Variants in CPM observed in about 807,000 individuals in gnomAD.
CPM encodes carboxypeptidase M.
In CPM, 35 loss-of-function variants were observed where a neutral mutation model predicts 46.4. That is an observed-to-expected ratio of 0.75 (90% CI 0.58 to 1.00). The LOEUF is 1.00. CPM is among the 50% of genes least tolerant of loss of function. The probability of loss-of-function intolerance (pLI) is 0.00; values close to 1 mark genes in which losing one functional copy is unlikely to be tolerated. For missense variants in CPM, 422 were observed against 530.4 expected, an observed-to-expected ratio of 0.80 and a Z score of 2.01; for synonymous variants, 195 against 195.3, an observed-to-expected ratio of 1.00 and a Z score of 0.01.
chr12:68,885,903 G>A lies in CPM; in HGVS notation c.161-14C>T, dbSNP rs1382190765. 1.9e-6 allele frequency: 3 copies of A among 1,605,268 alleles called. No homozygotes were observed. Among genetic ancestry groups the A allele is most frequent in the East Asian group, 4.5e-5 (2 of 44,834 alleles). ...ACAGGTTTCTACCTTTACAGGAAAA[G>A]AAGAAAAGATGGAAAAGTAAGTTGT... On this transcript the variant is annotated splice_polypyrimidine_tract_variant and intron_variant, in intron 2 of 8. Transcript: ENST00000551568.
Position 68,869,476 on chromosome 12 carries a change from G to C in CPM, c.636C>G (p.Ser212=). The change falls in exon 6 of 9, where the codon TCC becomes TCG. Residue 212 remains serine (S), a synonymous_variant. Transcript: ENST00000551568. The stretch of plus-strand genomic sequence containing the variant: ...CATCATCATCAGGCGTTAAGCTTCG[G>C]GAGTATAATGCCCCAGTTGCTGCAT... The part of the protein sequence containing the change: ...NGVQATGALY[S]RSLTPDDDVF... 3 of 1,609,660 alleles carry C rather than the reference G, an allele frequency of 1.9e-6. No homozygotes were observed. Among genetic ancestry groups the C allele is most frequent in the Non-Finnish European group, 2.5e-6 (3 of 1,177,420 alleles).
intron 2 of CPM, among the ~76,000 whole-genome samples, chr12:68,902,956 A>G (rs892611234): frequency 1.3e-5 from 2 of 152,228 alleles, no homozygotes; most frequent in Non-Finnish European, 2.9e-5. Context: ...AGTGACAAAA[A>G]GTCACTATTA....
In CPM at chr12:68,941,203, GTA is replaced by G. The variant is rs1555201997; in HGVS notation, c.-3-8365_-3-8364del. ...TGTGTGTGTGTGTGTGTGTGTGTGT[GTA>G]TATAAAGCTAACACATCAGCTGAGA... is the stretch of plus-strand genomic sequence containing the variant. On this transcript the variant is annotated intron_variant, in intron 1 of 8. Transcript: ENST00000546373. Among the ~76,000 whole-genome samples, 247 of 149,458 alleles carry G rather than the reference GTA, an allele frequency of 1.7e-3. 1 individual carries two copies. The highest frequency in any genetic ancestry group is 4.0e-3 in the African/African-American group (157 of 39,668).
chr12:68,882,994 A>G (rs570670062), intron 3 of CPM, among the ~76,000 whole-genome samples: 1 of 152,356 alleles, frequency 6.6e-6, no homozygotes, highest in African/African-American at 2.4e-5. Flanking sequence ...ATCTAGCCAT[A>G]GTATTAAGTG....
chr12:68,905,078 T>C (rs1042277008), intron 2 of CPM, among the ~76,000 whole-genome samples: 1 of 152,018 alleles, frequency 6.6e-6, no homozygotes, highest in South Asian at 2.1e-4. Context: ...CTGGCTAATG[T>C]TTGCATTTTT....
chr12:68,934,536 G>A (rs1888634195), upstream of CPM, among the ~76,000 whole-genome samples: 1 of 152,066 alleles, frequency 6.6e-6, no homozygotes, highest in Non-Finnish European at 1.5e-5. Context: ...TGAGAATGAT[G>A]GTTTCCAGCT....
intron 2 of CPM, among the ~76,000 whole-genome samples, chr12:68,923,211 GTGTT>G (rs1386047469): frequency 3.7e-5 from 5 of 133,846 alleles, no homozygotes; most frequent in African/African-American, 1.1e-4. Context: ...GTGTGTGTGT[GTGTT>G]TTGAGTAATT....
chr12:68,886,323 A>C (rs1886425096), intron 2 of CPM, among the ~76,000 whole-genome samples: 1 of 85,762 alleles, frequency 1.2e-5, no homozygotes, highest in South Asian at 4.3e-4. Context: ...GGAAAGAAAA[A>C]AAAACAACAG....
In CPM at chr12:68,853,569, G is replaced by A. The variant is rs552863999; in HGVS notation, c.*2868C>T. 8 of 152,140 alleles carry A rather than the reference G, an allele frequency of 5.3e-5. No individual in the cohort carries two copies. Among genetic ancestry groups the A allele is most frequent in the African/African-American group, 1.2e-4 (5 of 41,510 alleles). 9.4% of individuals were successfully genotyped at this position (152,140 alleles called of 1,614,324 possible). A position where few individuals can be genotyped will look rare whatever the true frequency, so the allele number is the denominator to read the frequency against. On this transcript the variant is annotated 3_prime_UTR_variant, in exon 9 of 9. Coordinates refer to ENST00000551568, the MANE Select transcript of CPM (RefSeq NM_198320.5). ...TCCTGTAGCTCTTCATTCCTTTGTC[G>A]TTCTCACTCTCCATGCCAGTATGTC...
chr12:68,857,100 C>T (rs1262245036), intron 8 of CPM, among the ~76,000 whole-genome samples: 1 of 151,830 alleles, frequency 6.6e-6, no homozygotes, highest in South Asian at 2.1e-4. Context: ...TTACTAATTT[C>T]TTTTCAGCTG....
chr12:68,913,774 C>T (rs1592689654), intron 2 of CPM: 4 of 537,358 alleles, frequency 7.4e-6, no homozygotes, highest in Admixed American at 4.2e-5. Flanking sequence ...TATAAAATCC[C>T]ATGCGGAAAC....
intron 1 of CPM, among the ~76,000 whole-genome samples, chr12:68,940,824 T>C (rs1888748256): frequency 6.6e-6 from 1 of 152,146 alleles, no homozygotes; most frequent in African/African-American, 2.4e-5. Context: ...CCTTCCTATA[T>C]TTTTTAAATT....
At chr12:68,910,697 T>C (rs1283293010) in intron 2 of CPM, among the ~76,000 whole-genome samples, 2 of 152,200 alleles carry the variant, frequency 1.3e-5, no homozygotes, top group African/African-American at 4.8e-5. Context: ...ATTTAACCAT[T>C]CTAAGTGTAC....
chr12:68,886,978 A>T (rs1326164887), intron 2 of CPM, among the ~76,000 whole-genome samples: 11 of 152,162 alleles, frequency 7.2e-5, no homozygotes, highest in Non-Finnish European at 1.6e-4. Context: ...ACAAATGAAA[A>T]AACTGATCTT....
At chr12:68,896,029 T>C (rs1396639336) in intron 2 of CPM, among the ~76,000 whole-genome samples, 3 of 152,202 alleles carry the variant, frequency 2.0e-5, no homozygotes, top group African/African-American at 4.8e-5. Context: ...CCAGACCTCT[T>C]GGGATCTGTC....
At chr12:68,949,592 G>C (rs1430179412) in intron 1 of CPM, among the ~76,000 whole-genome samples, 1 of 152,182 alleles carries the variant, frequency 6.6e-6, no homozygotes, top group African/African-American at 2.4e-5. Context: ...GAGTTTGAGA[G>C]GGTTAAATGA....
chr12:68,934,924 T>C (rs559590955), upstream of CPM, among the ~76,000 whole-genome samples: 11 of 152,190 alleles, frequency 7.2e-5, no homozygotes, highest in Non-Finnish European at 1.3e-4. Context: ...TCTTTCTTTA[T>C]TTTTTGAGAT....
intron 1 of CPM, among the ~76,000 whole-genome samples, chr12:68,956,544 T>C (rs564918639): frequency 6.6e-6 from 1 of 152,352 alleles, no homozygotes; most frequent in Non-Finnish European, 1.5e-5. Flanking sequence ...CCTAGGTCTG[T>C]CTGACTCCAA....
intron 7 of CPM, among the ~76,000 whole-genome samples, chr12:68,861,091 A>G (rs762577610): frequency 6.6e-6 from 1 of 152,088 alleles, no homozygotes; most frequent in Non-Finnish European, 1.5e-5. Flanking sequence ...CATGTTGCAC[A>G]GGCTAGTCTT....
Sources: gnomAD v4.1 joint callset for allele counts (sites outside exome capture counted in the v4.1 genomes callset) on GRCh38, gnomAD v4.1.1 for gene constraint, MANE v1.5 for transcripts, NCBI Gene and HGNC (gene_info 2026-07-23, HGNC 2026-07-21) for gene names.